TMPRSS6: variants seen among roughly 807,000 people sequenced by gnomAD.
The protein encoded by TMPRSS6 is transmembrane serine protease 6.
TMPRSS6 carries 67 observed loss-of-function variants against 101.5 expected under a neutral mutation model. That is an observed-to-expected ratio of 0.66 (90% confidence interval 0.54 to 0.81). The LOEUF (loss-of-function observed/expected upper bound fraction) is 0.81, where lower values mean the gene tolerates loss of function less well. Among genes scored for constraint, TMPRSS6 ranks in the 30% least tolerant of loss-of-function variants. The pLI, the probability that TMPRSS6 is intolerant of heterozygous loss-of-function variation, is 0.00. For missense variants in TMPRSS6, 1,034 were observed against 1,088.7 expected (o/e 0.95, Z 0.71); for synonymous variants, 453 against 464.9 (o/e 0.97, Z 0.33).
chr22:37,066,694 G>T, intron 17 of TMPRSS6, 132 bp downstream of exon 17: 1 of 1,202,246 alleles, frequency 8.3e-7, no homozygotes, highest in South Asian at 1.3e-5. Flanking sequence ...CTGTAAAGTA[G>T]GGGTGGCCAT....
intron 1 of TMPRSS6, among the ~76,000 whole-genome samples, chr22:37,107,283 C>G (rs1402178102): frequency 6.6e-6 from 1 of 152,170 alleles, no homozygotes; most frequent in Non-Finnish European, 1.5e-5. Flanking sequence ...CAGGGTGGCA[C>G]ATGGTGACTC....
At chr22:37,080,558 TC>T (rs1284507408) in intron 10 of TMPRSS6, among the ~76,000 whole-genome samples, 1 of 152,258 alleles carries the variant, frequency 6.6e-6, no homozygotes, top group African/African-American at 2.4e-5. Flanking sequence ...TAAGAATTTC[TC>T]AGCATCTACA....
In TMPRSS6 at chr22:37,075,183, T is replaced by G; in HGVS notation, c.1294A>C (p.Thr432Pro). ...TAGTGCACCCGCACACCGGGCCCGG[T>G]GAGGGAGATCTGGGAGGTGAAGTTG... ...TINFTSQISL[T>P]GPGVRVHYGL... Residue 432 changes from threonine to proline, a missense_variant, in exon 11 of 18, where the codon ACC becomes CCC. Thr to Pro is a conservative substitution (Grantham distance 38). Coordinates refer to ENST00000676104, the MANE Select transcript of TMPRSS6 (RefSeq NM_001374504.1). 6.2e-7 allele frequency: 1 copy of G among 1,613,820 alleles called. No homozygotes were observed. Among genetic ancestry groups the G allele is most frequent in the African/African-American group, 1.3e-5 (1 of 74,978 alleles).
At position 37,101,208 on chromosome 22, in the gene TMPRSS6, G is replaced by A. The variant is rs929230451; in HGVS notation, c.202+2008C>T. ...GCGGGATCGGGGTCCCAGGAGGAGTGCACGTGATGCAGCTGGGAGGGCAGG... is the reference window on the plus strand; with the variant it reads ...GCGGGATCGGGGTCCCAGGAGGAGTACACGTGATGCAGCTGGGAGGGCAGG... On this transcript the variant is annotated intron_variant, in intron 2 of 17. Transcript: ENST00000676104. This position sits in a 1 kb window ranked among gnomAD's most constrained non-coding sequence, Gnocchi z 4.1. Among the ~76,000 whole-genome samples the A allele has an allele frequency of 6.6e-6, 1 of 152,144 alleles. No individual in the cohort carries two copies. Among genetic ancestry groups the A allele is most frequent in the African/African-American group, 2.4e-5 (1 of 41,414 alleles).
At chr22:37,094,570 C>T (rs368741201) in intron 6 of TMPRSS6, among the ~76,000 whole-genome samples, 12 of 84,148 alleles carry the variant, frequency 1.4e-4, no homozygotes, top group African/African-American at 6.2e-4. Context: ...GATAGATAGA[C>T]AAATAGATCA....
chr22:37,065,901 C>T lies in TMPRSS6; in HGVS notation c.*179G>A. The stretch of plus-strand genomic sequence containing the variant: ...TCTTGACCCCCAGCTGCTGGCACTT[C>T]TCCATCCTCCTGCCATCACTGGAGC... On this transcript the variant is annotated 3_prime_UTR_variant, in exon 18 of 18. Transcript: ENST00000676104. 1.3e-6 allele frequency: 1 copy of T among 798,518 alleles called. No homozygotes were observed. The highest frequency in any genetic ancestry group is 2.0e-6 in the Non-Finnish European group (1 of 505,600). 49.5% of individuals were successfully genotyped at this position (798,518 alleles called of 1,614,324 possible).
chr22:37,096,348 C>T (rs548439403), intron 4 of TMPRSS6, among the ~76,000 whole-genome samples: 133 of 152,326 alleles, frequency 8.7e-4, no homozygotes, highest in African/African-American at 3.0e-3. Flanking sequence ...ACGGGGCAGT[C>T]GGGCCCTGGA....
intron 12 of TMPRSS6, among the ~76,000 whole-genome samples, chr22:37,074,295 A>G (rs1255064838): frequency 6.6e-6 from 1 of 152,160 alleles, no homozygotes; most frequent in African/African-American, 2.4e-5. Flanking sequence ...GGAGGGGGAC[A>G]TCTCCCTCAC....
chr22:37,080,319 G>C (rs1203979877), intron 10 of TMPRSS6: 1 of 152,362 alleles, frequency 6.6e-6, no homozygotes, highest in Non-Finnish European at 1.5e-5. Flanking sequence ...AGTGCCTAAG[G>C]ATGCTTAGTC....
At position 37,066,419 on chromosome 22, in the gene TMPRSS6, C is replaced by T. The variant is rs754536404; in HGVS notation, c.2251-181G>A. 5.9e-5 allele frequency among the ~76,000 whole-genome samples: 9 copies of T among 152,228 alleles called. No homozygotes were observed. In the East Asian group the frequency reaches 9.6e-4, roughly 16 times the overall value. On this transcript the variant is annotated intron_variant, in intron 17 of 17. Transcript: ENST00000676104. ...GGAGAGAGCCCAAGCCAGCCCTCCC[C>T]GGCCTCCAGCCAGCCTGGGACCTCC... is the stretch of plus-strand genomic sequence containing the variant.
At chr22:37,073,346 AGATG>A (rs61496676) in intron 13 of TMPRSS6, among the ~76,000 whole-genome samples, 182 bp downstream of exon 13, 48,897 of 140,620 alleles carry the variant, frequency 0.35, 8,387 homozygotes, top group Middle Eastern at 0.39. Flanking sequence ...GGAGACCAGA[AGATG>A]GATGGATGGA....
intron 7 of TMPRSS6, among the ~76,000 whole-genome samples, chr22:37,087,396 T>A (rs1928871438): frequency 1.3e-5 from 2 of 152,200 alleles, no homozygotes; most frequent in South Asian, 4.1e-4. Flanking sequence ...AGCGAGTACC[T>A]GAGCTCCTCC....
chr22:37,086,699 G>A (rs776572184), intron 7 of TMPRSS6, among the ~76,000 whole-genome samples: 22 of 152,138 alleles, frequency 1.4e-4, no homozygotes, highest in Admixed American at 2.6e-4. Context: ...TGATGATGAC[G>A]GCTGGCTCGA....
In TMPRSS6 at chr22:37,102,793, T is replaced by C. The variant is rs531909641; in HGVS notation, c.202+423A>G. 2.5e-3 allele frequency among the ~76,000 whole-genome samples: 376 copies of C among 152,182 alleles called. 1 individual carries two copies. The highest frequency in any genetic ancestry group is 8.6e-3 in the African/African-American group (359 of 41,534). On this transcript the variant is annotated intron_variant, in intron 2 of 17. Coordinates refer to ENST00000676104, the MANE Select transcript of TMPRSS6 (RefSeq NM_001374504.1). ...AGGCTCAAGTGAGCAGAGGCACTAA[T>C]TGGTACCAGGTACCATTGGTGCCTC... is the stretch of plus-strand genomic sequence containing the variant.
At chr22:37,093,967 G>A (rs1929506981) in intron 6 of TMPRSS6, among the ~76,000 whole-genome samples, 1 of 152,066 alleles carries the variant, frequency 6.6e-6, no homozygotes, top group Non-Finnish European at 1.5e-5. Context: ...AGGTTGCAAT[G>A]AGCCAAGATC....
chr22:37,100,535 T>A (rs1255784807), intron 2 of TMPRSS6, among the ~76,000 whole-genome samples: 1 of 151,702 alleles, frequency 6.6e-6, no homozygotes, highest in Non-Finnish European at 1.5e-5. Flanking sequence ...TGGGGCTGGG[T>A]GGAAAAGAAA....
At chr22:37,083,937 G>A (rs557685587) in intron 10 of TMPRSS6, 4 of 521,868 alleles carry the variant, frequency 7.7e-6, no homozygotes, top group Non-Finnish European at 1.4e-5. Flanking sequence ...AAGTGCCCAT[G>A]AGTCCTTTGG....
chr22:37,092,788 G>A (rs1453598467), intron 6 of TMPRSS6, among the ~76,000 whole-genome samples: 2 of 152,312 alleles, frequency 1.3e-5, no homozygotes, highest in African/African-American at 4.8e-5. Context: ...GTGCCACCAC[G>A]CCCGGCCCAT....
In TMPRSS6 at chr22:37,066,244, AGG is replaced by A. The variant is rs1452516927; in HGVS notation, c.2251-8_2251-7del. On this transcript the variant is annotated splice_polypyrimidine_tract_variant and splice_region_variant and intron_variant, in intron 17 of 17. Transcript: ENST00000676104. ...AGCGGACCACCTGAGTCACCCTGAAAGGGGGAAAGGAGAAAGGACTGAAGCAG... is the reference window on the plus strand; with the variant it reads ...AGCGGACCACCTGAGTCACCCTGAAAGGGAAAGGAGAAAGGACTGAAGCAG... 1 of 1,607,812 alleles carries A rather than the reference AGG, an allele frequency of 6.2e-7. No individual in the cohort carries two copies. The highest frequency in any genetic ancestry group is 8.5e-7 in the Non-Finnish European group (1 of 1,176,876).
Sources: allele counts gnomAD v4.1 joint callset (sites outside exome capture counted in the v4.1 genomes callset), GRCh38; gene constraint gnomAD v4.1.1; non-coding constraint Gnocchi (gnomAD v3.1); transcripts MANE v1.5; gene names NCBI Gene and HGNC (gene_info 2026-07-23, HGNC 2026-07-21).